Variants in MYO1E observed in about 807,000 individuals in gnomAD.
The protein encoded by MYO1E is unconventional myosin-Ie.
MYO1E carries 68 observed loss-of-function variants against 151.1 expected under a neutral mutation model. The observed-to-expected ratio is 0.45, with a 90% CI of 0.37 to 0.55. MYO1E has a LOEUF of 0.55. Among genes scored for constraint, MYO1E ranks in the 20% least tolerant of loss-of-function variants. The pLI, the probability that MYO1E is intolerant of heterozygous loss-of-function variation, is 0.00. For synonymous variants in MYO1E, 601 were observed against 501.7 expected, an observed-to-expected ratio of 1.20 and a Z score of -2.64; for missense variants, 1,363 against 1,389.3, an observed-to-expected ratio of 0.98 and a Z score of 0.30.
chr15:59,371,524 C>G (rs1290670832), intron 1 of MYO1E, among the ~76,000 whole-genome samples: 1 of 151,878 alleles, frequency 6.6e-6, no homozygotes, highest in Non-Finnish European at 1.5e-5. Context: ...CGCCAAAGCC[C>G]AAGGGAGGTG....
At chr15:59,239,755 GA>G (rs2080089087) in intron 4 of MYO1E, among the ~76,000 whole-genome samples, 2 of 152,088 alleles carry the variant, frequency 1.3e-5, no homozygotes, top group Non-Finnish European at 2.9e-5. Context: ...ACATTGATCG[GA>G]ATTTTCATTA....
At position 59,231,774 on chromosome 15, in the gene MYO1E, G is replaced by A. The variant is rs2080029702; in HGVS notation, c.438C>T (p.Ile146=). Residue 146 remains isoleucine, a synonymous_variant, in exon 6 of 28, where the codon ATC becomes ATT. Transcript: ENST00000288235. ...GTKVQHVKDI[I]LQSNPLLEAF... ...CCTCCAGCAGCGGGTTGGACTGCAG[G>A]ATAATGTCCTTCACGTGCTGTCCCA... The A allele has an allele frequency of 6.2e-7, 1 of 1,614,176 alleles. No homozygotes were observed. Among genetic ancestry groups the A allele is most frequent in the Non-Finnish European group, 8.5e-7 (1 of 1,180,014 alleles).
At position 59,323,327 on chromosome 15, in the gene MYO1E, T is replaced by G. The variant is rs72746885; in HGVS notation, c.3+49171A>C. 8.8e-3 allele frequency among the ~76,000 whole-genome samples: 1,337 copies of G among 152,058 alleles called. 8 individuals are homozygous for G. Among genetic ancestry groups the G allele is most frequent in the Non-Finnish European group, 0.014 (954 of 67,980 alleles). ...TTCTGAACATGAAACATAAACAATT[T>G]CAACAAGGGAATTGACATTCAGATT... is the stretch of plus-strand genomic sequence containing the variant. On this transcript the variant is annotated intron_variant, in intron 1 of 27. Coordinates refer to ENST00000288235, the MANE Select transcript of MYO1E (RefSeq NM_004998.4).
intron 15 of MYO1E, 73 bp from the exon 16 acceptor site, chr15:59,202,480 G>T: frequency 7.1e-7 from 1 of 1,412,840 alleles, no homozygotes. Flanking sequence ...CTTTCTAGAG[G>T]ATGGGGTGAA....
chr15:59,148,101 T>TTAA (rs1322868862), intron 26 of MYO1E, among the ~76,000 whole-genome samples: 1 of 152,214 alleles, frequency 6.6e-6, no homozygotes, highest in Non-Finnish European at 1.5e-5. Context: ...AAGCCCTTAT[T>TTAA]TAACCTTCAA....
At chr15:59,208,904 G>A in intron 13 of MYO1E, 56 bp from the exon 14 acceptor site, 1 of 1,600,594 alleles carries the variant, frequency 6.2e-7, no homozygotes. Context: ...AACAGACAAT[G>A]CTTATCAGGT....
intron 16 of MYO1E, among the ~76,000 whole-genome samples, chr15:59,201,401 ATTTTTT>A (rs35807865): frequency 8.8e-6 from 1 of 113,218 alleles, no homozygotes; most frequent in African/African-American, 3.2e-5. Context: ...GCTGACACAG[ATTTTTT>A]TTTTTTTTTT....
intron 1 of MYO1E, among the ~76,000 whole-genome samples, chr15:59,274,365 A>T (rs1308204414): frequency 6.6e-6 from 1 of 152,212 alleles, no homozygotes. Flanking sequence ...TGGCCACAGC[A>T]TGACTCACTA....
At chr15:59,338,707 C>T (rs1025562118) in intron 1 of MYO1E, among the ~76,000 whole-genome samples, 1 of 151,486 alleles carries the variant, frequency 6.6e-6, no homozygotes, top group African/African-American at 2.4e-5. Context: ...CCTTGAAAAC[C>T]CATTTGGGTA....
At chr15:59,194,117 T>C (rs1477259656) in intron 17 of MYO1E, among the ~76,000 whole-genome samples, 1 of 151,414 alleles carries the variant, frequency 6.6e-6, no homozygotes, top group African/African-American at 2.4e-5. Context: ...GAGGTTGCAG[T>C]GAACCAAGAT....
chr15:59,267,106 A>G (rs1596392227), intron 2 of MYO1E, among the ~76,000 whole-genome samples: 1 of 130,416 alleles, frequency 7.7e-6, no homozygotes, highest in Admixed American at 9.3e-5. Flanking sequence ...GCTCACTGCA[A>G]CCTCCGCCTC....
rs1297602823 is a variant in MYO1E, at chr15:59,135,850, C to CTACT, written c.*1526_*1529dup. The CTACT allele has an allele frequency of 6.6e-6, 1 of 152,224 alleles. No homozygotes were observed. Among genetic ancestry groups the CTACT allele is most frequent in the African/African-American group, 2.4e-5 (1 of 41,450 alleles). 9.4% of individuals were successfully genotyped at this position (152,224 alleles called of 1,614,324 possible). A position where few individuals can be genotyped will look rare whatever the true frequency, so the allele number is the denominator to read the frequency against. On this transcript the variant is annotated 3_prime_UTR_variant, in exon 28 of 28. Transcript: ENST00000288235. ...AGGAAAGGTAGAGAAATGGCAGTCT[C>CTACT]TACTTACAACCATTCCATTATTGAT...
At chr15:59,222,694 G>T (rs1253007012) in intron 9 of MYO1E, among the ~76,000 whole-genome samples, 1 of 152,154 alleles carries the variant, frequency 6.6e-6, no homozygotes, top group African/African-American at 2.4e-5. Context: ...TTACTGAAAA[G>T]GTTTTGATAA....
chr15:59,327,322 T>G (rs902404744), intron 1 of MYO1E, among the ~76,000 whole-genome samples: 1 of 54,614 alleles, frequency 1.8e-5, no homozygotes, highest in Admixed American at 2.0e-4. Context: ...TTTGTACATT[T>G]TTCTTTTTTT....
chr15:59,142,022 G>A (rs920138367), intron 26 of MYO1E, among the ~76,000 whole-genome samples: 14 of 151,960 alleles, frequency 9.2e-5, no homozygotes, highest in Admixed American at 2.6e-4. Context: ...CAGGAGAATG[G>A]CGTGAACCAG....
chr15:59,144,534 A>G (rs2079429533), intron 26 of MYO1E, among the ~76,000 whole-genome samples: 1 of 151,952 alleles, frequency 6.6e-6, no homozygotes, highest in Admixed American at 6.6e-5. Flanking sequence ...GGCTTAAGCG[A>G]TCCTCCCACC....
At chr15:59,201,225 G>A (rs2079799697) in intron 16 of MYO1E, among the ~76,000 whole-genome samples, 1 of 151,102 alleles carries the variant, frequency 6.6e-6, no homozygotes, top group African/African-American at 2.4e-5. Flanking sequence ...AGCCTCCCAA[G>A]TAGCTGAGAG....
At chr15:59,225,848 G>A (rs2079987583) in intron 7 of MYO1E, among the ~76,000 whole-genome samples, 1 of 152,016 alleles carries the variant, frequency 6.6e-6, no homozygotes, top group South Asian at 2.1e-4. Context: ...GGGTTTCACT[G>A]TGTTAGCCAG....
At chr15:59,262,778 CTATGCT>C (rs1264890893) in intron 2 of MYO1E, among the ~76,000 whole-genome samples, 1 of 152,020 alleles carries the variant, frequency 6.6e-6, no homozygotes, top group Non-Finnish European at 1.5e-5. Context: ...CTCAGAGAGG[CTATGCT>C]TATGCTGGGC....
Sources: allele counts gnomAD v4.1 joint callset (sites outside exome capture counted in the v4.1 genomes callset), GRCh38; gene constraint gnomAD v4.1.1; transcripts MANE v1.5; gene names NCBI Gene and HGNC (gene_info 2026-07-23, HGNC 2026-07-21).